The following GXYLT2 variants were observed in gnomAD, a reference collection of about 807,000 sequenced individuals.
The protein encoded by GXYLT2 is glucoside xylosyltransferase 2, also known as glycosyltransferase 8 domain containing 4.
GXYLT2 carries 53 observed loss-of-function variants against 45.8 expected under a neutral mutation model. The observed-to-expected ratio is 1.16, with a 90% CI of 0.93 to 1.46. The LOEUF (loss-of-function observed/expected upper bound fraction) is 1.46, where lower values mean the gene tolerates loss of function less well. Ranked by LOEUF, GXYLT2 falls within the 40% of genes most tolerant of loss-of-function variation. The pLI is 0.00. For synonymous variants in GXYLT2, 219 were observed against 214.2 expected (o/e 1.02, Z -0.19); for missense variants, 551 against 544.4 (o/e 1.01, Z -0.12).
chr3:72,969,909 G>GGAAAA (rs1553711696), intron 6 of GXYLT2, among the ~76,000 whole-genome samples: 6 of 103,464 alleles, frequency 5.8e-5, no homozygotes, highest in Non-Finnish European at 1.1e-4. Context: ...ATGTGCATTT[G>GGAAAA]AAAAAAAAAA....
chr3:72,899,555 T>C (rs1010361716), intron 1 of GXYLT2, among the ~76,000 whole-genome samples: 1 of 152,324 alleles, frequency 6.6e-6, no homozygotes, highest in South Asian at 2.1e-4. Flanking sequence ...AGTCTAATCA[T>C]GACGTCAAGG....
In GXYLT2 at chr3:72,945,195, G is replaced by A. The variant is rs565721549; in HGVS notation, c.601-9903G>A. Among the ~76,000 whole-genome samples the A allele has an allele frequency of 1.8e-3, 269 of 152,068 alleles. 1 individual carries two copies. Among genetic ancestry groups the A allele is most frequent in the Non-Finnish European group, 2.3e-3 (157 of 68,020 alleles). ...CCCTGCTACTAAGGAGGCTGAGGCA[G>A]GAGAATGGTGTGAACCCGGGAGGCG... On this transcript the variant is annotated intron_variant, in intron 3 of 6. Transcript: ENST00000389617.
At chr3:72,912,971 T>A (rs1709660968) in intron 2 of GXYLT2, among the ~76,000 whole-genome samples, 1 of 152,150 alleles carries the variant, frequency 6.6e-6, no homozygotes, top group Non-Finnish European at 1.5e-5. Context: ...GAAGTTGTGC[T>A]AGGTGTTGAA....
chr3:72,931,606 AC>A (rs1363830259), intron 3 of GXYLT2, among the ~76,000 whole-genome samples: 2 of 152,138 alleles, frequency 1.3e-5, no homozygotes, highest in Non-Finnish European at 2.9e-5. Context: ...AAATGAAGAT[AC>A]AACATACCAG....
chr3:72,899,674 C>T lies in GXYLT2; in HGVS notation c.276-8693C>T, dbSNP rs181944922. ...TGACATGGCTATAATTATCCATCGC[C>T]GGACTCTTCTTCTAGGGGCCATATC... On this transcript the variant is annotated intron_variant, in intron 1 of 6. Coordinates refer to ENST00000389617, the MANE Select transcript of GXYLT2 (RefSeq NM_001080393.2). Among the ~76,000 whole-genome samples the T allele has an allele frequency of 2.0e-3, 298 of 152,262 alleles. 1 individual carries two copies. Among genetic ancestry groups the T allele is most frequent in the Middle Eastern group, 0.01 (3 of 294 alleles).
At chr3:72,920,539 G>T (rs766559121) in intron 2 of GXYLT2, among the ~76,000 whole-genome samples, 20 of 152,040 alleles carry the variant, frequency 1.3e-4, no homozygotes, top group Admixed American at 5.2e-4. Context: ...AAAGTGTTAG[G>T]ATTACAGGCG....
intron 2 of GXYLT2, among the ~76,000 whole-genome samples, chr3:72,909,062 CTT>C (rs71126804): frequency 1.3e-3 from 120 of 91,120 alleles, no homozygotes; most frequent in African/African-American, 4.7e-3. Context: ...TTCTTCCTTT[CTT>C]TTTTTTTTTT....
Position 72,975,946 on chromosome 3 carries a change from T to TTC in GXYLT2, c.*788_*789insCT, listed in dbSNP as rs1711092822. 1 of 129,600 alleles carries TTC rather than the reference T, an allele frequency of 7.7e-6. No homozygotes were observed. 8.0% of individuals were successfully genotyped at this position (129,600 alleles called of 1,614,324 possible). A position where few individuals can be genotyped will look rare whatever the true frequency, so the allele number is the denominator to read the frequency against. On this transcript the variant is annotated 3_prime_UTR_variant, in exon 7 of 7. Transcript: ENST00000389617. ...TCTTTCTTTTTTTTTTTTTTTTTTT[T>TTC]TTTGAGACGGAATCTCACTCTGTAG...
chr3:72,963,685 T>TTG (rs1256223654), intron 5 of GXYLT2, among the ~76,000 whole-genome samples: 1 of 150,368 alleles, frequency 6.7e-6, no homozygotes, highest in Non-Finnish European at 1.5e-5. Context: ...TTTTTTTTTT[T>TTG]TTTGAGACAA....
intron 3 of GXYLT2, among the ~76,000 whole-genome samples, chr3:72,941,955 C>G (rs1359676710): frequency 2.0e-5 from 3 of 152,124 alleles, no homozygotes; most frequent in Non-Finnish European, 1.5e-5. Flanking sequence ...GAATTCCATC[C>G]TCCAAAGGAA....
chr3:72,912,559 C>T (rs1485758670), intron 2 of GXYLT2, among the ~76,000 whole-genome samples: 2 of 152,110 alleles, frequency 1.3e-5, no homozygotes, highest in African/African-American at 4.8e-5. Flanking sequence ...CATACACAAA[C>T]ATATATGTAT....
rs759443878 is a variant in GXYLT2, at chr3:72,922,307, C to T, written c.572C>T (p.Pro191Leu). 16 of 1,613,648 alleles carry T rather than the reference C, an allele frequency of 9.9e-6. No homozygotes were observed. In the Admixed American group the frequency reaches 2.3e-4, roughly 24 times the overall value. The change falls in exon 3 of 7, where the codon CCC becomes CTC. Residue 191 changes from proline (P) to leucine (L), a missense_variant. Transcript: ENST00000389617. ...NPQEWKKLFK[P>L]CAAQRLFLPV... ...CAGGAGTGGAAGAAATTGTTCAAAC[C>T]CTGTGCTGCCCAGAGACTCTTTCTT...
rs1335542760 is a variant in GXYLT2, at chr3:72,888,367, G to A, written c.134G>A (p.Arg45His). The A allele has an allele frequency of 1.0e-4, 103 of 983,118 alleles. No homozygotes were observed. The highest frequency in any genetic ancestry group is 1.2e-4 in the Non-Finnish European group (102 of 830,050). The allele number at this position is 983,118 out of a possible 1,614,324, so 60.9% of individuals were successfully genotyped here. A position where few individuals can be genotyped will look rare whatever the true frequency, so the allele number is the denominator to read the frequency against. ...LPARPASAPQ[R>H]HPAPVPARWP... ...GCGCGCCCCGCGTCCGCCCCGCAGC[G>A]CCACCCCGCGCCTGTCCCCGCGCGC... is the stretch of plus-strand genomic sequence containing the variant. The change falls in exon 1 of 7, where the codon CGC (arginine) becomes CAC (histidine). Residue 45 changes from arginine to histidine, a missense_variant. Transcript: ENST00000389617.
intron 3 of GXYLT2, among the ~76,000 whole-genome samples, chr3:72,943,734 C>T (rs904411276): frequency 6.6e-6 from 1 of 152,010 alleles, no homozygotes; most frequent in Non-Finnish European, 1.5e-5. Context: ...CCATTTTAAC[C>T]ATATCTAAGT....
At chr3:72,934,378 A>G (rs1979885) in intron 3 of GXYLT2, among the ~76,000 whole-genome samples, 118,514 of 152,044 alleles carry the variant, frequency 0.78, 46,794 homozygotes, top group African/African-American at 0.92. Flanking sequence ...CAGCCACCAC[A>G]CCTAGCTGAT....
At chr3:72,952,910 T>C (rs1201418824) in intron 3 of GXYLT2, among the ~76,000 whole-genome samples, 2 of 152,144 alleles carry the variant, frequency 1.3e-5, no homozygotes, top group Non-Finnish European at 2.9e-5. Flanking sequence ...TGTTATGGTG[T>C]TGGGATGATG....
chr3:72,942,110 G>T (rs1159131456), intron 3 of GXYLT2, among the ~76,000 whole-genome samples: 1 of 151,940 alleles, frequency 6.6e-6, no homozygotes, highest in East Asian at 1.9e-4. Context: ...AAAAGGAGGG[G>T]GTTCATATTG....
At chr3:72,973,011 A>G (rs1329200209) in intron 6 of GXYLT2, among the ~76,000 whole-genome samples, 1 of 151,808 alleles carries the variant, frequency 6.6e-6, no homozygotes, top group East Asian at 1.9e-4. Context: ...ATGGAGGATC[A>G]CTTGAGCCCA....
chr3:72,963,223 G>A (rs1710800446), intron 5 of GXYLT2, among the ~76,000 whole-genome samples: 2 of 152,066 alleles, frequency 1.3e-5, no homozygotes, highest in African/African-American at 4.8e-5. Flanking sequence ...AAAATGATCA[G>A]GCATAAACTA....
Sources: gnomAD v4.1 joint callset for allele counts (sites outside exome capture counted in the v4.1 genomes callset) on GRCh38, gnomAD v4.1.1 for gene constraint, MANE v1.5 for transcripts, NCBI Gene and HGNC (gene_info 2026-07-23, HGNC 2026-07-21) for gene names.